Variants in TFEB observed in about 807,000 individuals in gnomAD.
TFEB encodes transcription factor EB.
Under a neutral mutation model 48.0 loss-of-function variants are expected in TFEB, and 12 were observed. That is an observed-to-expected ratio of 0.25 (90% CI 0.16 to 0.40). TFEB has a LOEUF of 0.40. TFEB is among the 10% of genes least tolerant of loss of function. The pLI, the probability that TFEB is intolerant of heterozygous loss-of-function variation, is 1.00. For missense variants in TFEB, 509 were observed against 640.3 expected (o/e 0.79, Z 2.21); for synonymous variants, 244 against 261.4 (o/e 0.93, Z 0.64).
chr6:41,690,957 GACT>G, intron 2 of TFEB, 40 bp from the exon 3 acceptor site: 1 of 1,566,892 alleles, frequency 6.4e-7, no homozygotes, highest in South Asian at 1.2e-5. Flanking sequence ...GGGAGGCTGG[GACT>G]AGTGGGGACA....
chr6:41,693,119 G>A (rs1477874721), intron 1 of TFEB, among the ~76,000 whole-genome samples: 2 of 152,202 alleles, frequency 1.3e-5, no homozygotes, highest in Non-Finnish European at 2.9e-5. Context: ...CCAGAAGCCA[G>A]AGCTGTGTCT....
At position 41,690,996 on chromosome 6, in the gene TFEB, C is replaced by T. The variant is rs1769277521; in HGVS notation, c.213+5G>A. 1 of 1,574,644 alleles carries T rather than the reference C, an allele frequency of 6.4e-7. No homozygotes were observed. Among genetic ancestry groups the T allele is most frequent in the Non-Finnish European group, 8.6e-7 (1 of 1,157,826 alleles). On this transcript the variant is annotated splice_donor_5th_base_variant and intron_variant, in intron 2 of 8. Transcript: ENST00000373033. ...GGGTGGGGGGCAGGCCAGAACAGGC[C>T]CTACCTTCAACACCTCCCCAGGCAC... is the stretch of plus-strand genomic sequence containing the variant.
Position 41,691,080 on chromosome 6 carries a change from AGCTGCTGCTGTTGCTGCTGCT to A in TFEB, c.113_133del (p.Gln38_Gln44del), listed in dbSNP as rs761705208. On this transcript the variant is annotated inframe_deletion, in exon 2 of 9. Transcript: ENST00000373033. The surrounding 1 kb of genome is among the most constrained non-coding windows in gnomAD (Gnocchi z 5.2). Reference sequence around the variant, plus strand: ...GATGGCCGGGGTGGGCGGCCCTCCGAGCTGCTGCTGTTGCTGCTGCTGCTGCTGCTGCATGTAATGCATGAC... The same window carrying A: ...GATGGCCGGGGTGGGCGGCCCTCCGAGCTGCTGCTGCATGTAATGCATGAC... 60 of 1,574,426 alleles carry A rather than the reference AGCTGCTGCTGTTGCTGCTGCT, an allele frequency of 3.8e-5. No homozygotes were observed. Among genetic ancestry groups the A allele is most frequent in the Non-Finnish European group, 5.1e-5 (59 of 1,158,918 alleles).
chr6:41,696,724 G>C (rs1769606749), intron 1 of TFEB, among the ~76,000 whole-genome samples: 1 of 152,042 alleles, frequency 6.6e-6, no homozygotes, highest in Admixed American at 6.6e-5. Context: ...ATAAATTGAA[G>C]TGGTGGTACA....
At chr6:41,719,744 A>G (rs928647522) in intron 1 of TFEB, among the ~76,000 whole-genome samples, 1 of 152,228 alleles carries the variant, frequency 6.6e-6, no homozygotes, top group Non-Finnish European at 1.5e-5. Context: ...CAATGGTCAG[A>G]GAGATTCAGT....
Position 41,734,366 on chromosome 6 carries a change from C to T in TFEB, c.-23+984G>A, listed in dbSNP as rs2127282502. ...CGGCTGCGGCGCGAACCTGCTCGCGCAGCCCGGAGCAGCTCGGGGCAGCCG... is the reference window on the plus strand; with the variant it reads ...CGGCTGCGGCGCGAACCTGCTCGCGTAGCCCGGAGCAGCTCGGGGCAGCCG... On this transcript the variant is annotated intron_variant, in intron 1 of 8. Transcript: ENST00000373033. The surrounding 1 kb of genome is among the most constrained non-coding windows in gnomAD (Gnocchi z 4.0). The T allele has an allele frequency of 1.0e-6, 1 of 984,878 alleles. No homozygotes were observed. The highest frequency in any genetic ancestry group is 1.1e-4 in the East Asian group (1 of 8,748). 61.0% of individuals were successfully genotyped at this position (984,878 alleles called of 1,614,324 possible). A position where few individuals can be genotyped will look rare whatever the true frequency, so the allele number is the denominator to read the frequency against.
chr6:41,696,357 A>G (rs1014359613), intron 1 of TFEB, among the ~76,000 whole-genome samples: 5 of 152,324 alleles, frequency 3.3e-5, no homozygotes, highest in Middle Eastern at 3.4e-3. Context: ...TATAGGAACC[A>G]AAACTGGAAA....
intron 1 of TFEB, chr6:41,732,632 C>T: frequency 1.0e-6 from 1 of 985,912 alleles, no homozygotes; most frequent in Non-Finnish European, 1.2e-6. Context: ...ACCCAGAAAG[C>T]AACATCATGT....
chr6:41,696,283 A>T (rs987472851), intron 1 of TFEB, among the ~76,000 whole-genome samples: 5 of 152,190 alleles, frequency 3.3e-5, no homozygotes, highest in Non-Finnish European at 7.3e-5. Flanking sequence ...ACCCCCTCCT[A>T]TGCATGCCCA....
Position 41,734,948 on chromosome 6 carries a change from G to A in TFEB, c.-23+402C>T, listed in dbSNP as rs1771614962. The A allele has an allele frequency of 1.0e-6, 1 of 985,364 alleles. No homozygotes were observed. Among genetic ancestry groups the A allele is most frequent in the African/African-American group, 1.7e-5 (1 of 57,238 alleles). The allele number at this position is 985,364 out of a possible 1,614,324, so 61.0% of individuals were successfully genotyped here. On this transcript the variant is annotated intron_variant, in intron 1 of 8. Transcript: ENST00000373033. The surrounding 1 kb of genome is among the most constrained non-coding windows in gnomAD (Gnocchi z 4.0). Reference sequence around the variant, plus strand: ...CCGGCCCCAGCCGTGTCCGGTGGAGGGGGAGTGGGCGCGGGGCCCGCGCGT... The same window carrying A: ...CCGGCCCCAGCCGTGTCCGGTGGAGAGGGAGTGGGCGCGGGGCCCGCGCGT...
chr6:41,714,757 A>G (rs1042908230), intron 1 of TFEB, among the ~76,000 whole-genome samples: 3 of 152,132 alleles, frequency 2.0e-5, no homozygotes, highest in Non-Finnish European at 4.4e-5. Flanking sequence ...CCGGCCCCAG[A>G]GAGGCCCTGG....
At chr6:41,716,522 G>A (rs1213984644) in intron 1 of TFEB, among the ~76,000 whole-genome samples, 2 of 152,112 alleles carry the variant, frequency 1.3e-5, no homozygotes, top group Admixed American at 6.5e-5. Context: ...TGAGATCCTG[G>A]GAGAGCAATC....
chr6:41,733,522 A>C (rs1424620268), intron 1 of TFEB: 2 of 671,058 alleles, frequency 3.0e-6, no homozygotes, highest in Non-Finnish European at 1.8e-6. Flanking sequence ...GCATGGAGTC[A>C]CCCAAACAGC....
chr6:41,690,780 G>A lies in TFEB; in HGVS notation c.351C>T (p.Pro117=). The A allele has an allele frequency of 1.2e-6, 2 of 1,611,760 alleles. No individual in the cohort carries two copies. Among genetic ancestry groups the A allele is most frequent in the African/African-American group, 1.3e-5 (1 of 75,016 alleles). Residue 117 remains proline (P), a synonymous_variant, in exon 3 of 9, where the codon CCC becomes CCT. Coordinates refer to ENST00000373033, the MANE Select transcript of TFEB (RefSeq NM_001271944.2). ...HISPAQGSPK[P]PPAASPGVRA... is the part of the protein sequence containing the mutation. ...GCACCCCTGGGGAGGCGGCTGGTGG[G>A]GGTTTCGGAGAGCCCTGGGCTGGGC... is the stretch of plus-strand genomic sequence containing the variant.
At position 41,720,523 on chromosome 6, in the gene TFEB, A is replaced by T. The variant is rs1236062201; in HGVS notation, c.-23+14827T>A. Reference sequence around the variant, plus strand: ...ATCCACAATAGGTCACAAGATGGGCATCACCACCCAGGAGGCTGGCCGCTC... The same window carrying T: ...ATCCACAATAGGTCACAAGATGGGCTTCACCACCCAGGAGGCTGGCCGCTC... On this transcript the variant is annotated intron_variant, in intron 1 of 8. Coordinates refer to ENST00000373033, the MANE Select transcript of TFEB (RefSeq NM_001271944.2). The surrounding 1 kb of genome is among the most constrained non-coding windows in gnomAD (Gnocchi z 4.1). The T allele has an allele frequency of 2.6e-5, 4 of 152,320 alleles. No individual in the cohort carries two copies. Among genetic ancestry groups the T allele is most frequent in the Admixed American group, 6.5e-5 (1 of 15,288 alleles). 9.4% of individuals were successfully genotyped at this position (152,320 alleles called of 1,614,324 possible).
chr6:41,686,912 T>C (rs1769039866), intron 7 of TFEB, 182 bp downstream of exon 7: 4 of 626,080 alleles, frequency 6.4e-6, no homozygotes, highest in Non-Finnish European at 1.1e-5. Context: ...GAAACTCATC[T>C]GTCTTGAGCT....
chr6:41,687,851 G>A (rs1461186812), intron 5 of TFEB, 42 bp from the exon 6 acceptor site: 1 of 1,610,780 alleles, frequency 6.2e-7, no homozygotes, highest in Admixed American at 1.7e-5. Flanking sequence ...GGGAGGGAGG[G>A]AGAAAAGGAG....
At position 41,691,319 on chromosome 6, in the gene TFEB, TG is replaced by T. The variant is rs1769303928; in HGVS notation, c.-22-85del. On this transcript the variant is annotated intron_variant, in intron 1 of 8. Transcript: ENST00000373033. The surrounding 1 kb of genome is among the most constrained non-coding windows in gnomAD (Gnocchi z 5.2). Reference sequence around the variant, plus strand: ...GCTGGCAGGGGGAGGCCAGAATGACTGGGACCGCATCCATTTTAGAGGAGAA... The same window carrying T: ...GCTGGCAGGGGGAGGCCAGAATGACTGGACCGCATCCATTTTAGAGGAGAA... The T allele has an allele frequency of 3.0e-6, 4 of 1,335,934 alleles. No individual in the cohort carries two copies. The East Asian group carries it at 1.0e-4, about 33-fold the overall frequency. The allele number at this position is 1,335,934 out of a possible 1,614,324, so 82.8% of individuals were successfully genotyped here.
In TFEB at chr6:41,687,997, T is replaced by C. The variant is rs909431482; in HGVS notation, c.581A>G (p.Tyr194Cys). Reference sequence around the variant, plus strand: ...GGCTGTGACCTGGGGGTCGCTGCTGTACACATTCAGGTGGCTGCTGGACAG... The same window carrying C: ...GGCTGTGACCTGGGGGTCGCTGCTGCACACATTCAGGTGGCTGCTGGACAG... The part of the protein sequence containing the change: ...LPLSSSHLNV[Y>C]SSDPQVTASL... Residue 194 changes from tyrosine to cysteine, a missense_variant, in exon 5 of 9, where the codon TAC becomes TGC. Transcript: ENST00000373033. The C allele has an allele frequency of 2.5e-6, 4 of 1,613,436 alleles. No homozygotes were observed. Among genetic ancestry groups the C allele is most frequent in the Non-Finnish European group, 2.5e-6 (3 of 1,179,632 alleles).
Sources: allele counts gnomAD v4.1 joint callset (sites outside exome capture counted in the v4.1 genomes callset), GRCh38; gene constraint gnomAD v4.1.1; non-coding constraint Gnocchi (gnomAD v3.1); transcripts MANE v1.5; gene names NCBI Gene and HGNC (gene_info 2026-07-23, HGNC 2026-07-21).